Variants in GPC5 observed in about 807,000 individuals in gnomAD.
GPC5 encodes glypican 5.
Under a neutral mutation model 53.9 loss-of-function variants are expected in GPC5, and 47 were observed. The ratio of observed to expected loss-of-function variants is 0.87; its 90% CI spans 0.69 to 1.11. The LOEUF (loss-of-function observed/expected upper bound fraction) is 1.11, where lower values mean the gene tolerates loss of function less well. Among genes scored for constraint, GPC5 ranks in the 50% most tolerant of loss-of-function variants. The pLI is 0.00. For missense variants in GPC5, 748 were observed against 713.1 expected, an observed-to-expected ratio of 1.05 and a Z score of -0.56; for synonymous variants, 286 against 263.3, an observed-to-expected ratio of 1.09 and a Z score of -0.84.
intron 7 of GPC5, among the ~76,000 whole-genome samples, chr13:92,233,364 T>C (rs2042545291): frequency 1.3e-5 from 2 of 152,206 alleles, no homozygotes; most frequent in Admixed American, 1.3e-4. Flanking sequence ...AATATCTGTG[T>C]ATTGAGACTT....
At chr13:91,540,049 G>A (rs181689415) in intron 2 of GPC5, among the ~76,000 whole-genome samples, 1 of 152,282 alleles carries the variant, frequency 6.6e-6, no homozygotes, top group African/African-American at 2.4e-5. Flanking sequence ...GTCTTGCTGG[G>A]AAATAATTAC....
chr13:92,195,352 C>T (rs529603705), intron 7 of GPC5, among the ~76,000 whole-genome samples: 4 of 152,260 alleles, frequency 2.6e-5, no homozygotes, highest in South Asian at 2.1e-4. Context: ...AGCCAAGCTC[C>T]GTGCAAAGTG....
chr13:91,729,171 C>T (rs746188632), intron 4 of GPC5, among the ~76,000 whole-genome samples: 4 of 152,146 alleles, frequency 2.6e-5, no homozygotes, highest in African/African-American at 4.8e-5. Flanking sequence ...CATAATTTTA[C>T]ATGAAATGCT....
intron 7 of GPC5, among the ~76,000 whole-genome samples, chr13:92,398,515 T>C (rs1160554570): frequency 6.6e-6 from 1 of 152,010 alleles, no homozygotes; most frequent in African/African-American, 2.4e-5. Flanking sequence ...TCATTATTTC[T>C]GCATCTCCCA....
At chr13:91,405,593 C>A (rs751881558) in intron 1 of GPC5, among the ~76,000 whole-genome samples, 1 of 152,076 alleles carries the variant, frequency 6.6e-6, no homozygotes, top group African/African-American at 2.4e-5. Context: ...CTTTTCACGG[C>A]GCCACGTTCC....
intron 7 of GPC5, among the ~76,000 whole-genome samples, chr13:92,357,563 T>A (rs4362255): frequency 3.3e-5 from 5 of 151,402 alleles, no homozygotes; most frequent in Non-Finnish European, 5.9e-5. Flanking sequence ...GTCCATTCTC[T>A]CATTGCTATA....
intron 7 of GPC5, among the ~76,000 whole-genome samples, chr13:92,195,913 A>T (rs1279603920): frequency 6.6e-6 from 1 of 152,148 alleles, no homozygotes; most frequent in Non-Finnish European, 1.5e-5. Flanking sequence ...GGGCTCTGAG[A>T]GTGACCTGAA....
chr13:91,715,279 A>C (rs2036311931), intron 3 of GPC5, among the ~76,000 whole-genome samples: 1 of 152,186 alleles, frequency 6.6e-6, no homozygotes, highest in African/African-American at 2.4e-5. Context: ...TCTGCCTCTT[A>C]CTTCACCAGG....
At chr13:92,282,857 ACAT>A (rs2042926527) in intron 7 of GPC5, among the ~76,000 whole-genome samples, 2 of 152,324 alleles carry the variant, frequency 1.3e-5, no homozygotes, top group East Asian at 3.9e-4. Flanking sequence ...TAACCAGCTA[ACAT>A]CATAATGACA....
intron 7 of GPC5, among the ~76,000 whole-genome samples, chr13:92,719,744 C>T (rs896478373): frequency 9.9e-5 from 15 of 152,044 alleles, no homozygotes; most frequent in South Asian, 4.1e-4. Flanking sequence ...CATAAATCAA[C>T]GTCACATATT....
At chr13:92,717,631 A>G (rs1173640504) in intron 7 of GPC5, among the ~76,000 whole-genome samples, 1 of 152,174 alleles carries the variant, frequency 6.6e-6, no homozygotes, top group African/African-American at 2.4e-5. Flanking sequence ...ATTAAACATA[A>G]TGTAATTTGG....
intron 6 of GPC5, among the ~76,000 whole-genome samples, chr13:91,959,057 AACACACACACACACAC>A (rs147785443): frequency 0.063 from 8,047 of 127,724 alleles, 318 homozygotes; most frequent in Non-Finnish European, 0.091. Context: ...GAATGGAGAC[AACACACACACACACAC>A]ACACACACAC....
In GPC5 at chr13:91,706,581, C is replaced by G. The variant is rs147882624; in HGVS notation, c.1020+12700C>G. 3.8e-3 allele frequency among the ~76,000 whole-genome samples: 578 copies of G among 152,072 alleles called. 4 individuals carry two copies. Among genetic ancestry groups the G allele is most frequent in the Non-Finnish European group, 5.7e-3 (390 of 68,006 alleles). Reference sequence around the variant, plus strand: ...TTTTGGAAATTATACTTTGACCTAACACACTGAGAAATAAAAGGTCTCAAG... The same window carrying G: ...TTTTGGAAATTATACTTTGACCTAAGACACTGAGAAATAAAAGGTCTCAAG... On this transcript the variant is annotated intron_variant, in intron 3 of 7. Coordinates refer to ENST00000377067, the MANE Select transcript of GPC5 (RefSeq NM_004466.6).
intron 3 of GPC5, among the ~76,000 whole-genome samples, chr13:91,716,329 A>G (rs1361202138): frequency 1.3e-5 from 2 of 152,184 alleles, no homozygotes; most frequent in African/African-American, 4.8e-5. Context: ...AAAACAGCCA[A>G]TACCCCACCT....
At chr13:91,707,363 C>T (rs1009869786) in intron 3 of GPC5, among the ~76,000 whole-genome samples, 1 of 152,160 alleles carries the variant, frequency 6.6e-6, no homozygotes, top group African/African-American at 2.4e-5. Flanking sequence ...ATAGCTCAGC[C>T]TGTAATCCCA....
At chr13:92,628,733 C>A (rs915337632) in intron 7 of GPC5, among the ~76,000 whole-genome samples, 4 of 152,094 alleles carry the variant, frequency 2.6e-5, no homozygotes, top group African/African-American at 9.7e-5. Flanking sequence ...TGTTCAAACC[C>A]CTGACTCCTT....
intron 2 of GPC5, among the ~76,000 whole-genome samples, chr13:91,478,256 A>G (rs2139203721): frequency 6.6e-6 from 1 of 152,280 alleles, no homozygotes; most frequent in African/African-American, 2.4e-5. Flanking sequence ...AGAAATGTAC[A>G]CTTTTGAAGA....
At chr13:91,933,857 A>G (rs1361788611) in intron 6 of GPC5, among the ~76,000 whole-genome samples, 2 of 151,974 alleles carry the variant, frequency 1.3e-5, no homozygotes, top group Non-Finnish European at 2.9e-5. Context: ...CTTGCTGAAT[A>G]CATGTTAATT....
chr13:91,742,723 T>C (rs1030640120), intron 4 of GPC5, among the ~76,000 whole-genome samples: 2 of 152,168 alleles, frequency 1.3e-5, no homozygotes, highest in African/African-American at 4.8e-5. Context: ...CCTAGTTTGC[T>C]TTCTTAGATG....
Sources: allele counts gnomAD v4.1 joint callset (sites outside exome capture counted in the v4.1 genomes callset), GRCh38; gene constraint gnomAD v4.1.1; transcripts MANE v1.5; gene names NCBI Gene and HGNC (gene_info 2026-07-23, HGNC 2026-07-21).